The following ENPP3 variants were observed in gnomAD, a reference collection of about 807,000 sequenced individuals.
ENPP3 encodes ectonucleotide pyrophosphatase/phosphodiesterase family member 3.
Under a neutral mutation model 117.8 loss-of-function variants are expected in ENPP3, and 104 were observed. The ratio of observed to expected loss-of-function variants is 0.88; its 90% confidence interval spans 0.75 to 1.04. The LOEUF is 1.04. Ranked by LOEUF, ENPP3 falls within the 50% of genes least tolerant of loss-of-function variation. The pLI, the probability that ENPP3 is intolerant of heterozygous loss-of-function variation, is 0.00. For synonymous variants in ENPP3, 380 were observed against 349.9 expected, an observed-to-expected ratio of 1.09 and a Z score of -0.96; for missense variants, 1,026 against 1,051.9, an observed-to-expected ratio of 0.98 and a Z score of 0.34.
At chr6:131,731,594 G>C (rs531609209) in intron 20 of ENPP3, among the ~76,000 whole-genome samples, 1 of 152,186 alleles carries the variant, frequency 6.6e-6, no homozygotes, top group African/African-American at 2.4e-5. Flanking sequence ...TCTCCAGAGA[G>C]TAAACATACT....
intron 15 of ENPP3, among the ~76,000 whole-genome samples, chr6:131,701,893 A>AT (rs1779543107): frequency 6.6e-6 from 1 of 151,088 alleles, no homozygotes. Context: ...AGAAAAAAAA[A>AT]AAAAAGAAAA....
chr6:131,690,391 G>C (rs9493055), intron 14 of ENPP3, among the ~76,000 whole-genome samples: 7,529 of 152,130 alleles, frequency 0.049, 346 homozygotes, highest in African/African-American at 0.12. Context: ...TTGAAGCAAG[G>C]CCCTCTACGA....
chr6:131,671,188 A>T, intron 6 of ENPP3, 60 bp from the exon 7 acceptor site: 1 of 913,866 alleles, frequency 1.1e-6, no homozygotes, highest in Non-Finnish European at 1.8e-6. Flanking sequence ...TCAGATTTTT[A>T]GTTATCCAAA....
rs149784587 is a variant in ENPP3 at position 131,682,235 on chromosome 6, TG to T, written c.1012-818del. Reference sequence around the variant, plus strand: ...GTGGCCAAGCGTGTCAGCTCACACCTGTAATTCCAACACTTTGAGAGGCTGA... The same window carrying T: ...GTGGCCAAGCGTGTCAGCTCACACCTTAATTCCAACACTTTGAGAGGCTGA... On this transcript the variant is annotated intron_variant, in intron 11 of 24. Coordinates refer to ENST00000357639, the MANE Select transcript of ENPP3 (RefSeq NM_005021.5). Among the ~76,000 whole-genome samples the T allele has an allele frequency of 6.4e-3, 980 of 152,290 alleles. 6 individuals carry two copies. Among genetic ancestry groups the T allele is most frequent in the African/African-American group, 0.022 (927 of 41,570 alleles).
At chr6:131,736,058 T>C (rs749321203) in intron 21 of ENPP3, among the ~76,000 whole-genome samples, 16 of 152,252 alleles carry the variant, frequency 1.1e-4, no homozygotes, top group Non-Finnish European at 2.1e-4. Context: ...ACAATAATTC[T>C]ATGAGATAGA....
intron 16 of ENPP3, among the ~76,000 whole-genome samples, chr6:131,719,366 A>G (rs1454747664): frequency 1.4e-5 from 2 of 139,900 alleles, no homozygotes; most frequent in African/African-American, 5.3e-5. Flanking sequence ...TGGTTATCTC[A>G]TCTACTTCCA....
Position 131,726,039 on chromosome 6 carries a change from A to T in ENPP3, c.1799-7A>T. 1 of 1,600,560 alleles carries T rather than the reference A, an allele frequency of 6.2e-7. No individual in the cohort carries two copies. Among genetic ancestry groups the T allele is most frequent in the South Asian group, 1.1e-5 (1 of 89,918 alleles). On this transcript the variant is annotated splice_region_variant and splice_polypyrimidine_tract_variant and intron_variant, in intron 19 of 24. Coordinates refer to ENST00000357639, the MANE Select transcript of ENPP3 (RefSeq NM_005021.5). ...AACCTTTTTATTTTATGTTATTTTA[A>T]TTTTAGTAACAGCAACAGTGAAAGT...
chr6:131,679,799 G>A (rs1298059476), intron 11 of ENPP3, among the ~76,000 whole-genome samples: 2 of 152,182 alleles, frequency 1.3e-5, no homozygotes, highest in African/African-American at 4.8e-5. Context: ...TGGCTAGATG[G>A]CTCAGCAAGT....
At chr6:131,720,735 C>T (rs914656144) in intron 17 of ENPP3, among the ~76,000 whole-genome samples, 1 of 152,070 alleles carries the variant, frequency 6.6e-6, no homozygotes, top group Non-Finnish European at 1.5e-5. Flanking sequence ...GTGTGAACCA[C>T]CAGGCCCGGC....
intron 5 of ENPP3, among the ~76,000 whole-genome samples, chr6:131,657,683 A>G (rs1453093513): frequency 6.6e-6 from 1 of 152,222 alleles, no homozygotes; most frequent in Non-Finnish European, 1.5e-5. Context: ...AAGCTAATCT[A>G]TGCTGTTGGA....
chr6:131,646,492 T>C (rs1203540094), intron 2 of ENPP3, among the ~76,000 whole-genome samples: 1 of 152,130 alleles, frequency 6.6e-6, no homozygotes, highest in Non-Finnish European at 1.5e-5. Context: ...CCCTCCTGTA[T>C]GTCTGTTGTC....
At chr6:131,650,252 C>A in intron 3 of ENPP3, 103 bp downstream of exon 3, 1 of 1,274,002 alleles carries the variant, frequency 7.8e-7, no homozygotes, top group Admixed American at 1.8e-5. Context: ...CAGAGTGTCA[C>A]TCTGTTGCCT....
At chr6:131,639,263 A>ATTTTTTTTTTTTTTTTTTTTTT (rs71030752) in intron 1 of ENPP3, among the ~76,000 whole-genome samples, 2 of 91,276 alleles carry the variant, frequency 2.2e-5, no homozygotes, top group Admixed American at 1.2e-4. Context: ...ATATATATAT[A>ATTTTTTTTTTTTTTTTTTTTTT]TATTTTTTTT....
At chr6:131,709,641 C>T in intron 15 of ENPP3, 2 of 1,611,750 alleles carry the variant, frequency 1.2e-6, no homozygotes, top group Non-Finnish European at 1.7e-6. Context: ...GTCCTCTTTT[C>T]TCGTAGGAAA....
rs374787873 is a variant in ENPP3 at position 131,652,214 on chromosome 6, A to T, written c.278-328A>T. Among the ~76,000 whole-genome samples, 9 of 152,296 alleles carry T rather than the reference A, an allele frequency of 5.9e-5. No homozygotes were observed. The East Asian group carries it at 1.7e-3, about 29-fold the overall frequency. ...TGGGCAAAGCTGCTTTTGGGTGGCA[A>T]TAATCAGTCAGGGCTAGTGATTCTT... On this transcript the variant is annotated intron_variant, in intron 3 of 24. Transcript: ENST00000357639.
At chr6:131,669,604 C>T (rs570230255) in intron 6 of ENPP3, among the ~76,000 whole-genome samples, 32 of 144,740 alleles carry the variant, frequency 2.2e-4, no homozygotes, top group African/African-American at 6.7e-4. Flanking sequence ...TGCAGTGAGC[C>T]GAGATCACGC....
At chr6:131,746,694 G>A (rs1396986580) in intron 24 of ENPP3, 92 bp from the exon 25 acceptor site, 20 of 1,125,556 alleles carry the variant, frequency 1.8e-5, no homozygotes, top group Admixed American at 5.2e-5. Flanking sequence ...AAAAATCATC[G>A]GCAAAAAGAC....
chr6:131,726,993 A>G (rs1220742213), intron 20 of ENPP3, among the ~76,000 whole-genome samples: 1 of 152,250 alleles, frequency 6.6e-6, no homozygotes, highest in African/African-American at 2.4e-5. Context: ...CAAGAAGAAC[A>G]ACATTAAAAA....
intron 15 of ENPP3, chr6:131,710,809 A>G: frequency 2.5e-6 from 4 of 1,613,602 alleles, no homozygotes; most frequent in Non-Finnish European, 3.4e-6. Context: ...TCCCACATAA[A>G]GCCGACTCCT....
Sources: allele counts gnomAD v4.1 joint callset (sites outside exome capture counted in the v4.1 genomes callset), GRCh38; gene constraint gnomAD v4.1.1; transcripts MANE v1.5; gene names NCBI Gene and HGNC (gene_info 2026-07-23, HGNC 2026-07-21).